KATNB1: variants seen among roughly 807,000 people sequenced by gnomAD.
KATNB1 encodes katanin p80 WD40 repeat-containing subunit B1.
KATNB1 carries 38 observed loss-of-function variants against 82.3 expected under a neutral mutation model. The observed-to-expected ratio is 0.46, with a 90% CI of 0.36 to 0.61. The LOEUF is 0.61. Ranked by LOEUF, KATNB1 falls within the 20% of genes least tolerant of loss-of-function variation. The probability of loss-of-function intolerance (pLI) is 0.00; values close to 1 mark genes in which losing one functional copy is unlikely to be tolerated. For synonymous variants in KATNB1, 361 were observed against 368.7 expected (o/e 0.98, Z 0.24); for missense variants, 749 against 915.7 (o/e 0.82, Z 2.35).
chr16:57,749,612 G>A (rs1242646990), intron 4 of KATNB1, among the ~76,000 whole-genome samples: 1 of 152,124 alleles, frequency 6.6e-6, no homozygotes, highest in African/African-American at 2.4e-5. Context: ...CTGGCACTTG[G>A]GATGGTCAGT....
intron 9 of KATNB1, 60 bp downstream of exon 9, chr16:57,752,661 G>C: frequency 6.5e-7 from 1 of 1,546,778 alleles, no homozygotes; most frequent in Non-Finnish European, 8.7e-7. Context: ...CGTGGCTGTG[G>C]GTGGGCCTTT....
Position 57,754,921 on chromosome 16 carries a change from T to C in KATNB1, c.1229-9T>C, listed in dbSNP as rs2049263190. ...GCCGGACCCAGTCATCTTTTCCTTTTGCCTCCAGACGCAGCCACAGCAAAG... is the reference window on the plus strand; with the variant it reads ...GCCGGACCCAGTCATCTTTTCCTTTCGCCTCCAGACGCAGCCACAGCAAAG... On this transcript the variant is annotated splice_polypyrimidine_tract_variant and intron_variant, in intron 13 of 19. Coordinates refer to ENST00000379661, the MANE Select transcript of KATNB1 (RefSeq NM_005886.3). 5 of 1,613,954 alleles carry C rather than the reference T, an allele frequency of 3.1e-6. No individual in the cohort carries two copies. Among genetic ancestry groups the C allele is most frequent in the Non-Finnish European group, 4.2e-6 (5 of 1,180,002 alleles).
At chr16:57,737,739 G>C (rs2049111757) in intron 2 of KATNB1, among the ~76,000 whole-genome samples, 1 of 152,126 alleles carries the variant, frequency 6.6e-6, no homozygotes, top group Admixed American at 6.5e-5. Context: ...CGGGCAGAGG[G>C]ATGCAGACAG....
chr16:57,754,736 T>A (rs554820190), intron 13 of KATNB1, among the ~76,000 whole-genome samples, 194 bp from the exon 14 acceptor site: 1 of 152,020 alleles, frequency 6.6e-6, no homozygotes, highest in African/African-American at 2.4e-5. Context: ...TAAGGTTGAG[T>A]TGGGGGAGAG....
In KATNB1 at chr16:57,753,401, C is replaced by G; in HGVS notation, c.1059C>G (p.Asn353Lys). The G allele has an allele frequency of 1.9e-6, 3 of 1,612,492 alleles. No homozygotes were observed. In the South Asian group the frequency reaches 3.3e-5, roughly 18 times the overall value. ...CTCACGCTCCCAGGGTGAAGCAGAA[C>G]TCAGAGAGCGAGCGCCGCAGCCCCA... ...TCSKPQRVKQ[N>K]SESERRSPSS... Residue 353 changes from asparagine (N) to lysine (K), a missense_variant, in exon 12 of 20, where the codon AAC (asparagine) becomes AAG (lysine). Physicochemically the swap from Asn to Lys is moderately conservative, Grantham distance 94. Around this residue, in one of 3 missense-constraint regions of KATNB1, gnomAD observed 407 missense variants for 434.7 expected, o/e 0.94. Coordinates refer to ENST00000379661, the MANE Select transcript of KATNB1 (RefSeq NM_005886.3).
At position 57,743,880 on chromosome 16, in the gene KATNB1, C is replaced by G. The variant is rs190347936; in HGVS notation, c.172-514C>G. 6.2e-4 allele frequency among the ~76,000 whole-genome samples: 95 copies of G among 152,374 alleles called. 1 individual carries two copies. In the East Asian group the frequency reaches 0.017, roughly 27 times the overall value. ...GTCTTCCACCCTCCTCCAACCGCCA[C>G]AGCCCTCTCCTTTCCACGGGGATGG... On this transcript the variant is annotated intron_variant, in intron 3 of 19. Transcript: ENST00000379661.
chr16:57,754,889 C>T (rs782517746), intron 13 of KATNB1, 41 bp from the exon 14 acceptor site: 15 of 1,609,624 alleles, frequency 9.3e-6, no homozygotes, highest in East Asian at 6.7e-5. Context: ...CTTGCCAGGC[C>T]CTTCTGGCCG....
At position 57,751,401 on chromosome 16, in the gene KATNB1, C is replaced by CCCT; in HGVS notation, c.432+100_432+101insCTC. On this transcript the variant is annotated intron_variant, in intron 6 of 19. Coordinates refer to ENST00000379661, the MANE Select transcript of KATNB1 (RefSeq NM_005886.3). This position sits in a 1 kb window ranked among gnomAD's most constrained non-coding sequence, Gnocchi z 6.3. Reference sequence around the variant, plus strand: ...GCAGGGGGTGGAGGGGACGGCTGTCCCACATGGGTGATAACATAAAACATA... The same window carrying CCCT: ...GCAGGGGGTGGAGGGGACGGCTGTCCCCTCACATGGGTGATAACATAAAACATA... The CCCT allele has an allele frequency of 8.1e-7, 1 of 1,229,442 alleles. No homozygotes were observed. Among genetic ancestry groups the CCCT allele is most frequent in the Non-Finnish European group, 1.2e-6 (1 of 833,012 alleles). 76.2% of individuals were successfully genotyped at this position (1,229,442 alleles called of 1,614,324 possible).
intron 4 of KATNB1, among the ~76,000 whole-genome samples, chr16:57,748,161 G>C (rs2049196928): frequency 6.6e-6 from 1 of 152,180 alleles, no homozygotes; most frequent in East Asian, 1.9e-4. Flanking sequence ...GAATCCCGGT[G>C]TCAGGACTCC....
Position 57,751,153 on chromosome 16 carries a change from G to A in KATNB1, c.391-108G>A, listed in dbSNP as rs570796163. 5.7e-5 allele frequency: 62 copies of A among 1,085,304 alleles called. No homozygotes were observed. The highest frequency in any genetic ancestry group is 8.2e-5 in the Non-Finnish European group (58 of 706,848). The allele number at this position is 1,085,304 out of a possible 1,614,324, so 67.2% of individuals were successfully genotyped here. On this transcript the variant is annotated intron_variant, in intron 5 of 19. Coordinates refer to ENST00000379661, the MANE Select transcript of KATNB1 (RefSeq NM_005886.3). This position sits in a 1 kb window ranked among gnomAD's most constrained non-coding sequence, Gnocchi z 6.3. ...TGTCCTTGTCTCCGTGGGGAGTAACGACCTAGAGAAGGCTGGGCCCCACCG... is the reference window on the plus strand; with the variant it reads ...TGTCCTTGTCTCCGTGGGGAGTAACAACCTAGAGAAGGCTGGGCCCCACCG...
At chr16:57,744,318 G>A (rs1312525984) in intron 3 of KATNB1, 76 bp from the exon 4 acceptor site, 47 of 1,295,066 alleles carry the variant, frequency 3.6e-5, no homozygotes, top group South Asian at 2.1e-4. Context: ...AAGCCTTTCC[G>A]GGGGACTTGG....
intron 3 of KATNB1, among the ~76,000 whole-genome samples, chr16:57,743,417 G>C (rs560543514): frequency 2.2e-4 from 34 of 152,294 alleles, no homozygotes; most frequent in African/African-American, 8.2e-4. Flanking sequence ...GGGTGCCAGG[G>C]GTCAGTAATG....
Position 57,737,332 on chromosome 16 carries a change from C to G in KATNB1, c.40+49C>G, listed in dbSNP as rs545741171. On this transcript the variant is annotated intron_variant, in intron 2 of 19. Coordinates refer to ENST00000379661, the MANE Select transcript of KATNB1 (RefSeq NM_005886.3). ...ATCACCCCATTTATTCTGTTAGCGG[C>G]TTGTTGCTGGGAGGCCTGAACCCAC... 3.1e-6 allele frequency: 5 copies of G among 1,608,276 alleles called. No individual in the cohort carries two copies. The South Asian group carries it at 5.5e-5, about 18-fold the overall frequency.
intron 3 of KATNB1, among the ~76,000 whole-genome samples, 178 bp downstream of exon 3, chr16:57,741,995 C>T (rs1555579838): frequency 6.6e-6 from 1 of 152,212 alleles, no homozygotes; most frequent in Non-Finnish European, 1.5e-5. Flanking sequence ...AGTGCTTCCC[C>T]CAGCTGTCTG....
rs781996633 is a variant in KATNB1, at chr16:57,754,039, C to T, written c.1228+44C>T. 15 of 1,520,826 alleles carry T rather than the reference C, an allele frequency of 9.9e-6. No homozygotes were observed. The South Asian group carries it at 1.6e-4, about 16-fold the overall frequency. The allele number at this position is 1,520,826 out of a possible 1,614,324, so 94.2% of individuals were successfully genotyped here. On this transcript the variant is annotated intron_variant, in intron 13 of 19. Transcript: ENST00000379661. ...GTTTCCCAAGGTCTCTGATGCCCCC[C>T]CGTCCCTCATCTTCTCTTCCTGTGA...
At position 57,756,858 on chromosome 16, in the gene KATNB1, G is replaced by A. The variant is rs782636182; in HGVS notation, c.1880G>A (p.Ser627Asn). The change falls in exon 20 of 20, where the codon AGC becomes AAC. Residue 627 changes from serine (S) to asparagine (N), a missense_variant. Physicochemically the swap from Ser to Asn is conservative, Grantham distance 46. Around this residue, in one of 3 missense-constraint regions of KATNB1, gnomAD observed 95 missense variants for 131.6 expected, o/e 0.72. Transcript: ENST00000379661. ...RLCYKQLKSI[S>N]GLVKSKSGLS... ...TGCTACAAGCAGCTTAAGAGCATCAGCGGCCTGGTCAAGAGCAAGTCAGGC... is the reference window on the plus strand; with the variant it reads ...TGCTACAAGCAGCTTAAGAGCATCAACGGCCTGGTCAAGAGCAAGTCAGGC... The A allele has an allele frequency of 5.7e-6, 9 of 1,573,514 alleles. No homozygotes were observed. The East Asian group carries it at 2.1e-4, about 37-fold the overall frequency.
intron 2 of KATNB1, among the ~76,000 whole-genome samples, chr16:57,738,243 C>G (rs1433041402): frequency 6.7e-6 from 1 of 148,658 alleles, no homozygotes; most frequent in Non-Finnish European, 1.5e-5. Context: ...TTTTCAGGAG[C>G]TGGGACAAGA....
rs782445055 is a variant in KATNB1 at position 57,753,238 on chromosome 16, G to T, written c.1017G>T (p.Arg339=). 6.2e-7 allele frequency: 1 copy of T among 1,602,794 alleles called. No individual in the cohort carries two copies. The highest frequency in any genetic ancestry group is 1.1e-5 in the South Asian group (1 of 90,740). The part of the protein sequence containing the change: ...PSAPLRRIYE[R]PSTTCSKPQR... ...CCCCCCTCCGGCGCATCTATGAGCG[G>T]CCCAGCACAACCTGCAGCAAGCCTC... The change falls in exon 11 of 20, where the codon CGG becomes CGT. Residue 339 remains arginine (R), a synonymous_variant. Coordinates refer to ENST00000379661, the MANE Select transcript of KATNB1 (RefSeq NM_005886.3).
intron 4 of KATNB1, among the ~76,000 whole-genome samples, chr16:57,747,272 G>A (rs1184862727): frequency 1.3e-5 from 2 of 152,208 alleles, no homozygotes; most frequent in East Asian, 1.9e-4. Flanking sequence ...AAGCAGCAAC[G>A]TGGATTTTGC....
Sources: allele counts gnomAD v4.1 joint callset (sites outside exome capture counted in the v4.1 genomes callset), GRCh38; gene constraint gnomAD v4.1.1; regional missense constraint gnomAD v4.1.1; non-coding constraint Gnocchi (gnomAD v3.1); transcripts MANE v1.5; gene names NCBI Gene and HGNC (gene_info 2026-07-23, HGNC 2026-07-21).